Variants in MTA3 observed in about 807,000 individuals in gnomAD.
MTA3 encodes the protein metastasis associated 1 family member 3.
In MTA3, 34 loss-of-function variants were observed where a neutral mutation model predicts 83.5. The ratio of observed to expected loss-of-function variants is 0.41; its 90% CI spans 0.31 to 0.54. The LOEUF (loss-of-function observed/expected upper bound fraction) is 0.54. MTA3 is among the 20% of genes least tolerant of loss of function. The pLI, the probability that MTA3 is intolerant of heterozygous loss-of-function variation, is 0.33. For missense variants in MTA3, 761 were observed against 726.4 expected (o/e 1.05, Z -0.55); for synonymous variants, 303 against 252.7 (o/e 1.20, Z -1.89).
At chr2:42,632,158 C>T (rs896546245) in intron 4 of MTA3, among the ~76,000 whole-genome samples, 6 of 138,046 alleles carry the variant, frequency 4.3e-5, no homozygotes, top group Non-Finnish European at 6.1e-5. Flanking sequence ...GGTATAGTCT[C>T]GGCTCACTGC....
At chr2:42,535,947 C>T (rs985485625) in intron 2 of MTA3, among the ~76,000 whole-genome samples, 87 of 144,642 alleles carry the variant, frequency 6.0e-4, no homozygotes, top group Non-Finnish European at 1.0e-3. Context: ...AGTGAGATCC[C>T]GTCTCTACAA....
At chr2:42,568,510 G>C (rs1209613045), upstream of MTA3, 1 of 129,602 alleles carries the variant, frequency 7.7e-6, no homozygotes, top group South Asian at 2.8e-4. Context: ...GGCCTCCCCC[G>C]GCCCGGCCCA....
rs61038484 is a variant in MTA3 at position 42,525,475 on chromosome 2, A to ATTCCTTCCTTCCTTCCTTCC, written c.-141+30234_-141+30253dup. ...TCAGCCTCCCAAAGTGCTAGGATCA[A>ATTCCTTCCTTCCTTCCTTCC]TTCCTTCCTTCCTTCCTTCCTTCCT... is the stretch of plus-strand genomic sequence containing the variant. On this transcript the variant is annotated intron_variant, in intron 2 of 17. Transcript: ENST00000405592. Among the ~76,000 whole-genome samples, 142 of 135,590 alleles carry ATTCCTTCCTTCCTTCCTTCC rather than the reference A, an allele frequency of 1.0e-3. 2 individuals are homozygous for ATTCCTTCCTTCCTTCCTTCC. Among genetic ancestry groups the ATTCCTTCCTTCCTTCCTTCC allele is most frequent in the Admixed American group, 4.5e-3 (59 of 13,242 alleles). The allele number at this position is 135,590 out of a possible 152,430, so 89.0% of individuals were successfully genotyped here.
chr2:42,753,569 T>C lies in MTA3; in HGVS notation c.*170T>C, dbSNP rs1670040183. ...GGGAAGGAACTGTGGGAGTGCACGTTCCAAATCCTGTGTCTCCACGTGTGG... is the reference window on the plus strand; with the variant it reads ...GGGAAGGAACTGTGGGAGTGCACGTCCCAAATCCTGTGTCTCCACGTGTGG... On this transcript the variant is annotated 3_prime_UTR_variant, in exon 17 of 17. Coordinates refer to ENST00000405094, the MANE Select transcript of MTA3 (RefSeq NM_001330442.2). 1 of 1,436,598 alleles carries C rather than the reference T, an allele frequency of 7.0e-7. No homozygotes were observed. Among genetic ancestry groups the C allele is most frequent in the Non-Finnish European group, 9.1e-7 (1 of 1,094,822 alleles). The allele number at this position is 1,436,598 out of a possible 1,614,324, so 89.0% of individuals were successfully genotyped here.
intron 3 of MTA3, among the ~76,000 whole-genome samples, 193 bp downstream of exon 3, chr2:42,579,393 ATGTG>A (rs1679376353): frequency 6.8e-6 from 1 of 147,874 alleles, no homozygotes; most frequent in South Asian, 2.1e-4. Context: ...ATGTGTATAT[ATGTG>A]TGTATGTAAT....
At chr2:42,643,031 G>GTC (rs1238889687) in intron 5 of MTA3, among the ~76,000 whole-genome samples, 806 of 72,274 alleles carry the variant, frequency 0.011, 11 homozygotes, top group African/African-American at 0.058. Context: ...ACATATTGGT[G>GTC]TCTCCCCCCC....
intron 2 of MTA3, among the ~76,000 whole-genome samples, chr2:42,516,559 A>C (rs545409602): frequency 2.6e-5 from 4 of 152,316 alleles, no homozygotes; most frequent in African/African-American, 9.6e-5. Context: ...TTATTGTACA[A>C]AATGGCAATA....
intron 2 of MTA3, among the ~76,000 whole-genome samples, chr2:42,531,445 CTTTTTT>C (rs10659582): frequency 8.0e-5 from 6 of 75,346 alleles, no homozygotes; most frequent in African/African-American, 2.3e-4. Context: ...GAAGCAAACT[CTTTTTT>C]TTTTTTTTTT....
At chr2:42,652,499 A>G (rs1688810984) in intron 6 of MTA3, among the ~76,000 whole-genome samples, 1 of 152,024 alleles carries the variant, frequency 6.6e-6, no homozygotes, top group Non-Finnish European at 1.5e-5. Flanking sequence ...TTCTGGTTTT[A>G]CCTCACTTCT....
chr2:42,518,546 T>C (rs1675260992), intron 2 of MTA3, among the ~76,000 whole-genome samples: 1 of 152,054 alleles, frequency 6.6e-6, no homozygotes, highest in Non-Finnish European at 1.5e-5. Flanking sequence ...AAAGACTAAA[T>C]AAATAAATGG....
At chr2:42,580,807 G>C (rs1331073180) in intron 3 of MTA3, among the ~76,000 whole-genome samples, 2 of 152,148 alleles carry the variant, frequency 1.3e-5, no homozygotes, top group African/African-American at 4.8e-5. Context: ...TGTTGGCCAG[G>C]CTGGTGTTGA....
chr2:42,506,828 A>G (rs906678202), intron 2 of MTA3, among the ~76,000 whole-genome samples: 13 of 151,802 alleles, frequency 8.6e-5, no homozygotes, highest in African/African-American at 2.4e-5. Flanking sequence ...GCTGGTCTCA[A>G]ACTCCTGACC....
chr2:42,553,065 C>T (rs1024539826), intron 2 of MTA3, among the ~76,000 whole-genome samples: 1 of 151,872 alleles, frequency 6.6e-6, no homozygotes, highest in Admixed American at 6.6e-5. Flanking sequence ...TTGCTTGAGG[C>T]CAGGAGTTTG....
chr2:42,517,152 C>T (rs564728986), intron 2 of MTA3, among the ~76,000 whole-genome samples: 26 of 152,196 alleles, frequency 1.7e-4, no homozygotes, highest in African/African-American at 6.0e-4. Flanking sequence ...TCCAGCTACT[C>T]AGGAGGCTAA....
intron 6 of MTA3, among the ~76,000 whole-genome samples, chr2:42,648,171 A>AG (rs1453786332): frequency 6.6e-6 from 1 of 152,052 alleles, no homozygotes; most frequent in African/African-American, 2.4e-5. Flanking sequence ...CTATTTTTTT[A>AG]GGGGGGAAGG....
At chr2:42,596,701 T>C (rs1681826417) in intron 3 of MTA3, among the ~76,000 whole-genome samples, 2 of 152,192 alleles carry the variant, frequency 1.3e-5, no homozygotes, top group African/African-American at 4.8e-5. Flanking sequence ...AATTAGATAT[T>C]CTTAAGCTTT....
At chr2:42,556,463 C>T (rs1211508838) in intron 2 of MTA3, among the ~76,000 whole-genome samples, 1 of 152,236 alleles carries the variant, frequency 6.6e-6, no homozygotes, top group African/African-American at 2.4e-5. Context: ...GTTTAATCAG[C>T]ACTGGCCCAA....
chr2:42,521,067 C>T (rs933674420), intron 2 of MTA3, among the ~76,000 whole-genome samples: 1 of 152,204 alleles, frequency 6.6e-6, no homozygotes, highest in Non-Finnish European at 1.5e-5. Context: ...ATCACCTCCC[C>T]TTGAGTGGGG....
At chr2:42,703,912 A>G in intron 11 of MTA3, 1 of 247,224 alleles carries the variant, frequency 4.0e-6, no homozygotes, top group Non-Finnish European at 7.9e-6. Context: ...AAAGTGTCAG[A>G]GGATGTTCTA....
Sources: gnomAD v4.1 joint callset for allele counts (sites outside exome capture counted in the v4.1 genomes callset) on GRCh38, gnomAD v4.1.1 for gene constraint, MANE v1.5 for transcripts, NCBI Gene and HGNC (gene_info 2026-07-23, HGNC 2026-07-21) for gene names.